Variants in SGCD observed in about 807,000 individuals in gnomAD.
The protein encoded by SGCD is sarcoglycan delta.
Under a neutral mutation model 36.6 loss-of-function variants are expected in SGCD, and 18 were observed. The ratio of observed to expected loss-of-function variants is 0.49; its 90% CI spans 0.34 to 0.73. The LOEUF (loss-of-function observed/expected upper bound fraction) is 0.73, where lower values mean the gene tolerates loss of function less well. SGCD is among the 30% of genes least tolerant of loss of function. SGCD has a pLI of 0.01. For synonymous variants in SGCD, 133 were observed against 130.6 expected (o/e 1.02, Z -0.12); for missense variants, 387 against 346.7 (o/e 1.12, Z -0.92).
At chr5:155,904,290 A>T (rs1438442093) in intron 1 of SGCD, among the ~76,000 whole-genome samples, 1 of 152,200 alleles carries the variant, frequency 6.6e-6, no homozygotes, top group Admixed American at 6.6e-5. Flanking sequence ...TTCTTGATAG[A>T]ACTTACCACT....
At chr5:156,126,133 A>C (rs1222500972) in intron 3 of SGCD, among the ~76,000 whole-genome samples, 17 of 152,010 alleles carry the variant, frequency 1.1e-4, no homozygotes, top group Non-Finnish European at 7.4e-5. Context: ...CTACCGCCTC[A>C]GCCTCCCAAA....
intron 4 of SGCD, among the ~76,000 whole-genome samples, chr5:156,520,558 A>G (rs1757356209): frequency 1.3e-5 from 2 of 152,008 alleles, no homozygotes; most frequent in Admixed American, 6.5e-5. Context: ...TATGGAACCA[A>G]AAAAGAGCCC....
chr5:156,154,397 A>C (rs1762899811), intron 3 of SGCD, among the ~76,000 whole-genome samples: 1 of 151,738 alleles, frequency 6.6e-6, no homozygotes, highest in Admixed American at 6.6e-5. Context: ...CTGTGGACTG[A>C]ATACATAATA....
At chr5:156,360,151 C>T (rs1367298451) in intron 3 of SGCD, among the ~76,000 whole-genome samples, 3 of 152,152 alleles carry the variant, frequency 2.0e-5, no homozygotes, top group African/African-American at 4.8e-5. Flanking sequence ...CTTAAATCCT[C>T]AGATCAAATT....
At chr5:156,438,485 A>G (rs893618255) in intron 3 of SGCD, among the ~76,000 whole-genome samples, 61 of 152,274 alleles carry the variant, frequency 4.0e-4, no homozygotes, top group African/African-American at 1.4e-3. Flanking sequence ...CAGCAAAGAC[A>G]ACAGAGCCAA....
At chr5:156,108,179 G>A (rs1189554127) in intron 1 of SGCD, among the ~76,000 whole-genome samples, 8 of 151,996 alleles carry the variant, frequency 5.3e-5, no homozygotes, top group Non-Finnish European at 1.0e-4. Context: ...AGTAAACCAG[G>A]ATGCACACCT....
intron 3 of SGCD, among the ~76,000 whole-genome samples, chr5:156,486,684 GC>G (rs1336464248): frequency 6.6e-6 from 1 of 152,156 alleles, no homozygotes; most frequent in Non-Finnish European, 1.5e-5. Flanking sequence ...TGTCCCACCT[GC>G]CACCATTGGC....
intron 3 of SGCD, among the ~76,000 whole-genome samples, chr5:156,475,182 G>A (rs928759847): frequency 1.3e-5 from 2 of 152,122 alleles, no homozygotes; most frequent in Admixed American, 1.3e-4. Flanking sequence ...ATAACTGTAA[G>A]TTAGCCATTC....
chr5:156,634,932 G>A (rs946438017), intron 6 of SGCD, among the ~76,000 whole-genome samples: 9 of 152,080 alleles, frequency 5.9e-5, no homozygotes, highest in Non-Finnish European at 1.0e-4. Flanking sequence ...ATTAAATAGC[G>A]GAACTTCCTG....
At chr5:156,060,042 G>GA (rs1250829918) in intron 1 of SGCD, among the ~76,000 whole-genome samples, 2 of 146,548 alleles carry the variant, frequency 1.4e-5, no homozygotes, top group Admixed American at 6.8e-5. Flanking sequence ...TAAGTCAGTG[G>GA]AAAAAATCCT....
chr5:156,531,818 A>G (rs962492126), intron 4 of SGCD, among the ~76,000 whole-genome samples: 5 of 152,146 alleles, frequency 3.3e-5, no homozygotes, highest in Non-Finnish European at 7.4e-5. Context: ...ACGTAAATGT[A>G]TGGACATGGG....
chr5:155,876,540 C>A (rs1309732352), intron 1 of SGCD, among the ~76,000 whole-genome samples: 1 of 151,976 alleles, frequency 6.6e-6, no homozygotes, highest in African/African-American at 2.4e-5. Context: ...AAAAATAATG[C>A]ACTTCGTAGG....
At chr5:156,021,192 A>G (rs2053041) in intron 1 of SGCD, among the ~76,000 whole-genome samples, 46,127 of 152,112 alleles carry the variant, frequency 0.3, 7,628 homozygotes, top group South Asian at 0.4. Flanking sequence ...TTTGATAGAG[A>G]AAAAAACAGG....
At chr5:156,328,837 G>A (rs1767933032) in intron 1 of SGCD, among the ~76,000 whole-genome samples, 1 of 152,076 alleles carries the variant, frequency 6.6e-6, no homozygotes, top group Admixed American at 6.5e-5. Flanking sequence ...GATGGACTGT[G>A]ACCTTATTTT....
intron 6 of SGCD, among the ~76,000 whole-genome samples, chr5:156,626,714 A>C (rs1762453638): frequency 6.6e-6 from 1 of 152,172 alleles, no homozygotes; most frequent in Non-Finnish European, 1.5e-5. Context: ...TTTGTTAAGC[A>C]ACCAATATGT....
At chr5:156,313,494 C>T (rs1262316752) in intron 3 of SGCD, among the ~76,000 whole-genome samples, 2 of 151,984 alleles carry the variant, frequency 1.3e-5, no homozygotes, top group Non-Finnish European at 2.9e-5. Context: ...TAAATGTTGG[C>T]TGCTATGGTT....
At chr5:155,965,578 T>G (rs1384946061) in intron 1 of SGCD, among the ~76,000 whole-genome samples, 1 of 152,124 alleles carries the variant, frequency 6.6e-6, no homozygotes, top group East Asian at 1.9e-4. Flanking sequence ...GAATGCAGGA[T>G]GTGGGCAAAC....
the SGCD span, among the ~76,000 whole-genome samples, chr5:155,749,333 A>G: frequency 2.0e-5 from 3 of 152,210 alleles, no homozygotes; most frequent in Non-Finnish European, 2.9e-5. Flanking sequence ...CTCCTTTGCA[A>G]TGGAAGAGGA....
chr5:156,150,741 A>T (rs113483176), intron 3 of SGCD, among the ~76,000 whole-genome samples: 2 of 151,808 alleles, frequency 1.3e-5, no homozygotes, highest in African/African-American at 4.9e-5. Context: ...AAGAGGAGGC[A>T]GTTCTACGCG....
Sources: gnomAD v4.1 joint callset for allele counts (sites outside exome capture counted in the v4.1 genomes callset) on GRCh38, gnomAD v4.1.1 for gene constraint, MANE v1.5 for transcripts, NCBI Gene and HGNC (gene_info 2026-07-23, HGNC 2026-07-21) for gene names.